The following SHISA9 variants were observed in gnomAD, a reference collection of about 807,000 sequenced individuals.
The protein encoded by SHISA9 is protein shisa-9.
A neutral mutation model predicts 38.0 loss-of-function variants in SHISA9; 13 were observed. The observed-to-expected ratio is 0.34, with a 90% CI of 0.22 to 0.54. The LOEUF is 0.54. Among genes scored for constraint, SHISA9 ranks in the 20% least tolerant of loss-of-function variants. The probability of loss-of-function intolerance (pLI) is 0.91; values close to 1 mark genes in which losing one functional copy is unlikely to be tolerated. For missense variants in SHISA9, 538 were observed against 575.8 expected (o/e 0.93, Z 0.67); for synonymous variants, 275 against 242.0 (o/e 1.14, Z -1.27).
the SHISA9 span, among the ~76,000 whole-genome samples, chr16:13,474,933 AG>A: frequency 6.6e-6 from 1 of 150,808 alleles, no homozygotes; most frequent in Non-Finnish European, 1.5e-5. Context: ...AGGTACTGGT[AG>A]GGGGACAGTC....
intron 2 of SHISA9, among the ~76,000 whole-genome samples, chr16:12,936,776 C>A (rs1314424727): frequency 1.3e-5 from 2 of 152,192 alleles, no homozygotes; most frequent in Non-Finnish European, 2.9e-5. Context: ...CAGATCTCTA[C>A]ACGAGACAAG....
chr16:13,318,859 C>T, the SHISA9 span, among the ~76,000 whole-genome samples: 1 of 152,224 alleles, frequency 6.6e-6, no homozygotes, highest in Non-Finnish European at 1.5e-5. Flanking sequence ...AAACACACTT[C>T]AAATATCCTT....
At chr16:13,472,670 G>A in the SHISA9 span, among the ~76,000 whole-genome samples, 1 of 151,824 alleles carries the variant, frequency 6.6e-6, no homozygotes, top group Non-Finnish European at 1.5e-5. Flanking sequence ...GGGATTACAG[G>A]CGTGAGCCAC....
intron 2 of SHISA9, among the ~76,000 whole-genome samples, chr16:12,962,748 G>C (rs79028016): frequency 0.026 from 4,015 of 152,266 alleles, 70 homozygotes; most frequent in African/African-American, 0.044. Context: ...ATTGTGTTAT[G>C]GTGGCCCAAA....
the SHISA9 span, among the ~76,000 whole-genome samples, chr16:13,547,792 C>G: frequency 6.6e-6 from 1 of 151,828 alleles, no homozygotes; most frequent in Non-Finnish European, 1.5e-5. Flanking sequence ...GTTAATACTA[C>G]CTAAAGTGAT....
At chr16:13,422,683 G>A in the SHISA9 span, among the ~76,000 whole-genome samples, 1 of 151,876 alleles carries the variant, frequency 6.6e-6, no homozygotes, top group African/African-American at 2.4e-5. Context: ...GTGAAAGAGT[G>A]AGACTCTGTC....
intron 4 of SHISA9, among the ~76,000 whole-genome samples, chr16:13,214,528 G>C (rs1021845067): frequency 6.6e-6 from 1 of 152,078 alleles, no homozygotes; most frequent in Non-Finnish European, 1.5e-5. Flanking sequence ...TAATGAGCTC[G>C]AACTGGGGAA....
the SHISA9 span, among the ~76,000 whole-genome samples, chr16:13,258,735 T>C: frequency 6.6e-6 from 1 of 152,198 alleles, no homozygotes; most frequent in Non-Finnish European, 1.5e-5. Context: ...CAGAAGCCCC[T>C]GATAAACCCA....
the SHISA9 span, among the ~76,000 whole-genome samples, chr16:13,395,173 C>T: frequency 2.6e-5 from 4 of 152,268 alleles, no homozygotes; most frequent in African/African-American, 7.2e-5. Context: ...ATTTGGAGGG[C>T]TGGTGCACCT....
intron 2 of SHISA9, among the ~76,000 whole-genome samples, chr16:13,037,549 GC>G (rs1490542547): frequency 2.9e-4 from 44 of 152,118 alleles, no homozygotes; most frequent in African/African-American, 1.0e-3. Context: ...GAGAATGGGG[GC>G]AGAGATGAAC....
the SHISA9 span, among the ~76,000 whole-genome samples, chr16:13,314,202 C>T: frequency 1.8e-5 from 2 of 112,080 alleles, no homozygotes; most frequent in African/African-American, 6.2e-5. Context: ...ATTTTTATTT[C>T]ATTTTTTTTT....
the SHISA9 span, among the ~76,000 whole-genome samples, chr16:13,380,561 T>A: frequency 6.6e-6 from 1 of 152,196 alleles, no homozygotes. Flanking sequence ...AGCCTAGATT[T>A]TTTCTTCAAA....
chr16:13,288,973 A>G, the SHISA9 span, among the ~76,000 whole-genome samples: 2 of 152,164 alleles, frequency 1.3e-5, no homozygotes, highest in Admixed American at 6.5e-5. Context: ...GTGAGGCTTC[A>G]ATATATGAAT....
chr16:13,344,679 A>G, the SHISA9 span, among the ~76,000 whole-genome samples: 3,814 of 152,294 alleles, frequency 0.025, 150 homozygotes, highest in African/African-American at 0.086. Flanking sequence ...GCCAGGCATG[A>G]TGATAAGCAC....
At chr16:13,479,409 T>G in the SHISA9 span, among the ~76,000 whole-genome samples, 1 of 152,196 alleles carries the variant, frequency 6.6e-6, no homozygotes, top group Admixed American at 6.5e-5. Context: ...TTGATTTTGC[T>G]GAGGCTGATA....
At chr16:13,548,321 C>T in the SHISA9 span, among the ~76,000 whole-genome samples, 8 of 152,094 alleles carry the variant, frequency 5.3e-5, no homozygotes, top group East Asian at 9.7e-4. Flanking sequence ...TTGGATAAGA[C>T]CTAAAAAGCA....
the SHISA9 span, among the ~76,000 whole-genome samples, chr16:13,437,365 C>G: frequency 6.6e-6 from 1 of 152,182 alleles, no homozygotes; most frequent in Non-Finnish European, 1.5e-5. Flanking sequence ...TTACTCAGCA[C>G]TTATCTATTC....
chr16:13,074,654 CTCTTTT>C (rs956306905), intron 2 of SHISA9, among the ~76,000 whole-genome samples: 24 of 150,972 alleles, frequency 1.6e-4, no homozygotes, highest in East Asian at 5.8e-4. Context: ...CTTTTCTTTT[CTCTTTT>C]TCTTTTTCTT....
chr16:13,304,109 A>G, the SHISA9 span, among the ~76,000 whole-genome samples: 1 of 152,066 alleles, frequency 6.6e-6, no homozygotes, highest in South Asian at 2.1e-4. Flanking sequence ...TACCTCTGGG[A>G]TCTTACTCTC....
Sources: gnomAD v4.1 joint callset for allele counts (sites outside exome capture counted in the v4.1 genomes callset) on GRCh38, gnomAD v4.1.1 for gene constraint, MANE v1.5 for transcripts, NCBI Gene and HGNC (gene_info 2026-07-23, HGNC 2026-07-21) for gene names.